ANO2: variants seen among roughly 807,000 people sequenced by gnomAD.
The protein encoded by ANO2 is anoctamin-2.
ANO2 carries 101 observed loss-of-function variants against 124.2 expected under a neutral mutation model. The ratio of observed to expected loss-of-function variants is 0.81; its 90% CI spans 0.69 to 0.96. The LOEUF (loss-of-function observed/expected upper bound fraction) is 0.96. ANO2 is among the 40% of genes least tolerant of loss of function. ANO2 has a pLI of 0.00. For missense variants in ANO2, 1,293 were observed against 1,274.5 expected (o/e 1.01, Z -0.22); for synonymous variants, 486 against 482.5 (o/e 1.01, Z -0.09).
At chr12:5,786,082 C>T (rs560395356) in intron 10 of ANO2, among the ~76,000 whole-genome samples, 3 of 151,326 alleles carry the variant, frequency 2.0e-5, no homozygotes, top group African/African-American at 7.3e-5. Flanking sequence ...GGACAGGGGG[C>T]GGTGCCCCTG....
At chr12:5,770,875 C>T (rs958669251) in intron 10 of ANO2, among the ~76,000 whole-genome samples, 28 of 152,210 alleles carry the variant, frequency 1.8e-4, no homozygotes, top group African/African-American at 6.5e-4. Context: ...CTCCCACTTC[C>T]ATGCCTCTGC....
Position 5,787,401 on chromosome 12 carries a change from G to A in ANO2, c.1055+12106C>T, listed in dbSNP as rs1952569118. ...TCCCCACAAGCATCTCCGCTACAGA[G>A]CTGAAGCTCCAGCATCCCAGTGCCT... is the stretch of plus-strand genomic sequence containing the variant. On this transcript the variant is annotated intron_variant, in intron 10 of 24. Transcript: ENST00000682330. This position sits in a 1 kb window ranked among gnomAD's most constrained non-coding sequence, Gnocchi z 4.2. Among the ~76,000 whole-genome samples, 1 of 152,162 alleles carries A rather than the reference G, an allele frequency of 6.6e-6. No homozygotes were observed. Among genetic ancestry groups the A allele is most frequent in the African/African-American group, 2.4e-5 (1 of 41,428 alleles).
chr12:5,583,080 T>G (rs1332305636), intron 20 of ANO2, among the ~76,000 whole-genome samples: 1 of 152,238 alleles, frequency 6.6e-6, no homozygotes, highest in Non-Finnish European at 1.5e-5. Context: ...TTGTGGTGCC[T>G]ATCACATAGC....
intron 4 of ANO2, among the ~76,000 whole-genome samples, chr12:5,838,235 G>C (rs1216272262): frequency 6.6e-6 from 1 of 152,162 alleles, no homozygotes; most frequent in Non-Finnish European, 1.5e-5. Context: ...AGTGGGACTG[G>C]GGTAAGTTTC....
intron 3 of ANO2, among the ~76,000 whole-genome samples, chr12:5,916,491 T>TAAAAAAAAAAAAAAAAAAAA (rs769233593): frequency 2.0e-5 from 2 of 98,084 alleles, no homozygotes; most frequent in East Asian, 2.5e-4. Flanking sequence ...TCGCAGCAGG[T>TAAAAAAAAAAAAAAAAAAAA]TAAAAAAAAA....
intron 14 of ANO2, among the ~76,000 whole-genome samples, chr12:5,705,382 G>A (rs1392685157): frequency 1.3e-5 from 2 of 152,202 alleles, no homozygotes; most frequent in Non-Finnish European, 2.9e-5. Flanking sequence ...AAACAGCAAA[G>A]ATACAAGGGC....
intron 3 of ANO2, among the ~76,000 whole-genome samples, chr12:5,867,852 G>C (rs1218283128): frequency 6.7e-6 from 1 of 148,222 alleles, no homozygotes; most frequent in Non-Finnish European, 1.5e-5. Flanking sequence ...GATCAACCCA[G>C]CTGTCAAGAG....
At chr12:5,757,518 G>A (rs1376600211) in intron 10 of ANO2, among the ~76,000 whole-genome samples, 1 of 152,194 alleles carries the variant, frequency 6.6e-6, no homozygotes, top group Non-Finnish European at 1.5e-5. Flanking sequence ...AGAGGGAAAT[G>A]AGAGCTCTGT....
intron 3 of ANO2, among the ~76,000 whole-genome samples, chr12:5,857,429 C>T (rs1222736419): frequency 1.3e-5 from 2 of 152,138 alleles, no homozygotes; most frequent in East Asian, 1.9e-4. Flanking sequence ...TCCCATTTTT[C>T]GTTTTTGAGG....
At chr12:5,601,549 A>AAG (rs1406166853) in intron 19 of ANO2, among the ~76,000 whole-genome samples, 1 of 152,182 alleles carries the variant, frequency 6.6e-6, no homozygotes, top group African/African-American at 2.4e-5. Context: ...GGAAAAATCA[A>AAG]AGAGAGAGAG....
chr12:5,796,879 GC>G (rs768728026), intron 10 of ANO2, among the ~76,000 whole-genome samples: 3 of 152,224 alleles, frequency 2.0e-5, no homozygotes, highest in Non-Finnish European at 4.4e-5. Flanking sequence ...TGCCCCATGA[GC>G]TCTCAATGGC....
chr12:5,766,458 A>G (rs756103813), intron 10 of ANO2, among the ~76,000 whole-genome samples: 18 of 152,230 alleles, frequency 1.2e-4, no homozygotes, highest in Non-Finnish European at 2.4e-4. Context: ...ACCAGAGTAT[A>G]TATGTATTGT....
In ANO2 at chr12:5,887,400, G is replaced by A. The variant is rs1770066709; in HGVS notation, c.535-33259C>T. Among the ~76,000 whole-genome samples, 3 of 152,248 alleles carry A rather than the reference G, an allele frequency of 2.0e-5. No homozygotes were observed. In the South Asian group the frequency reaches 6.2e-4, roughly 32 times the overall value. On this transcript the variant is annotated intron_variant, in intron 3 of 24. Coordinates refer to ENST00000682330, the MANE Select transcript of ANO2 (RefSeq NM_001364791.2). ...GTGTGATTAGAGATCACTCAAGAAG[G>A]GCCCCTGAGCCCAGCCCTGGGGATA... is the stretch of plus-strand genomic sequence containing the variant.
intron 3 of ANO2, among the ~76,000 whole-genome samples, chr12:5,890,627 T>A (rs1461711092): frequency 1.3e-5 from 2 of 152,170 alleles, no homozygotes; most frequent in Non-Finnish European, 2.9e-5. Context: ...ACAGCGCAAG[T>A]CAGTGAGGCC....
Position 5,750,976 on chromosome 12 carries a change from A to G in ANO2, c.1056-6T>C. On this transcript the variant is annotated splice_region_variant and splice_polypyrimidine_tract_variant and intron_variant, in intron 10 of 24. Coordinates refer to ENST00000682330, the MANE Select transcript of ANO2 (RefSeq NM_001364791.2). ...TTTTTTCTCCAAAATACTTTCTGGA[A>G]AAGAAAGAAAAGAAAATGAAACACA... 1.3e-6 allele frequency: 2 copies of G among 1,582,576 alleles called. No homozygotes were observed. Among genetic ancestry groups the G allele is most frequent in the South Asian group, 2.3e-5 (2 of 85,746 alleles).
chr12:5,780,283 CT>C (rs1233030027), intron 10 of ANO2, among the ~76,000 whole-genome samples: 1 of 152,038 alleles, frequency 6.6e-6, no homozygotes, highest in Non-Finnish European at 1.5e-5. Flanking sequence ...AATCTGAGTG[CT>C]GATAATAGGG....
chr12:5,597,302 A>G (rs576536550), intron 20 of ANO2, among the ~76,000 whole-genome samples: 33 of 152,060 alleles, frequency 2.2e-4, no homozygotes, highest in African/African-American at 7.7e-4. Flanking sequence ...CTGTGTGTCC[A>G]TGTGTTCTCA....
chr12:5,861,795 G>C (rs1379065519), intron 3 of ANO2, among the ~76,000 whole-genome samples: 1 of 152,172 alleles, frequency 6.6e-6, no homozygotes, highest in Non-Finnish European at 1.5e-5. Context: ...CACACCTGCT[G>C]GGAGCCCCAC....
In ANO2 at chr12:5,900,561, AAACAAC is replaced by A. The variant is rs530796683; in HGVS notation, c.534+20473_534+20478del. Among the ~76,000 whole-genome samples the A allele has an allele frequency of 6.7e-4, 102 of 151,680 alleles. No individual in the cohort carries two copies. The highest frequency in any genetic ancestry group is 2.4e-3 in the African/African-American group (100 of 41,194). On this transcript the variant is annotated intron_variant, in intron 3 of 24. Transcript: ENST00000682330. This position sits in a 1 kb window ranked among gnomAD's most constrained non-coding sequence, Gnocchi z 4.2. ...AGGGCTTACCATAAAATAAAATGGA[AAACAAC>A]AACAACAACAACAAAAAACTAAAGT...
Sources: gnomAD v4.1 joint callset for allele counts (sites outside exome capture counted in the v4.1 genomes callset) on GRCh38, gnomAD v4.1.1 for gene constraint, Gnocchi (gnomAD v3.1) non-coding constraint, MANE v1.5 for transcripts, NCBI Gene and HGNC (gene_info 2026-07-23, HGNC 2026-07-21) for gene names.